Variants in SVIL observed in about 807,000 individuals in gnomAD.
SVIL encodes the protein archvillin.
In SVIL, 101 loss-of-function variants were observed where a neutral mutation model predicts 240.4. That is an observed-to-expected ratio of 0.42 (90% CI 0.36 to 0.50). The LOEUF is 0.50. SVIL is among the 20% of genes least tolerant of loss of function. The pLI, the probability that SVIL is intolerant of heterozygous loss-of-function variation, is 0.01. For missense variants in SVIL, 2,512 were observed against 2,818.7 expected (o/e 0.89, Z 2.46); for synonymous variants, 999 against 1,100.0 (o/e 0.91, Z 1.82).
At chr10:29,689,590 C>CT (rs1303582704) in intron 1 of SVIL, among the ~76,000 whole-genome samples, 1 of 152,224 alleles carries the variant, frequency 6.6e-6, no homozygotes, top group Non-Finnish European at 1.5e-5. Flanking sequence ...AGCCGAGTCT[C>CT]TTTTTCATAC....
At chr10:29,536,120 T>C (rs1589153049) in intron 6 of SVIL, 51 bp from the exon 7 acceptor site, 1 of 1,537,546 alleles carries the variant, frequency 6.5e-7, no homozygotes, top group Non-Finnish European at 9.0e-7. Flanking sequence ...AACGTCAACA[T>C]ATACACAGAC....
intron 2 of SVIL, among the ~76,000 whole-genome samples, chr10:29,680,435 A>G (rs1381375795): frequency 6.6e-6 from 1 of 152,174 alleles, no homozygotes; most frequent in Non-Finnish European, 1.5e-5. Context: ...ATTTTCAGAA[A>G]GTTGATAGGA....
At chr10:29,688,041 C>T (rs1227920333) in intron 1 of SVIL, among the ~76,000 whole-genome samples, 1 of 152,126 alleles carries the variant, frequency 6.6e-6, no homozygotes, top group East Asian at 1.9e-4. Flanking sequence ...ATGACACTTT[C>T]CCCGGTAGAA....
chr10:29,733,777 C>A (rs1287549786), intron 1 of SVIL, among the ~76,000 whole-genome samples: 1 of 152,194 alleles, frequency 6.6e-6, no homozygotes, highest in Non-Finnish European at 1.5e-5. Context: ...GTTCCAAGTC[C>A]CTGACTGTCA....
chr10:29,460,196 C>G (rs1461355685), intron 36 of SVIL, among the ~76,000 whole-genome samples: 1 of 152,154 alleles, frequency 6.6e-6, no homozygotes, highest in African/African-American at 2.4e-5. Context: ...GTTTTTGTGT[C>G]TCTGCTCCCA....
At chr10:29,724,262 T>G (rs769977192) in intron 1 of SVIL, among the ~76,000 whole-genome samples, 2 of 150,762 alleles carry the variant, frequency 1.3e-5, no homozygotes, top group Non-Finnish European at 2.9e-5. Flanking sequence ...TTTCACTGCC[T>G]GCTATAACTA....
chr10:29,588,323 G>GCAAA (rs111229904), intron 1 of SVIL, among the ~76,000 whole-genome samples: 10,929 of 147,906 alleles, frequency 0.074, 769 homozygotes, highest in African/African-American at 0.2. Flanking sequence ...TGTGCTGGTG[G>GCAAA]CAGAGACGCA....
chr10:29,666,836 A>G (rs1959337415), intron 2 of SVIL, among the ~76,000 whole-genome samples: 1 of 152,252 alleles, frequency 6.6e-6, no homozygotes, highest in Non-Finnish European at 1.5e-5. Context: ...CACACTGGGC[A>G]TAATATGGTT....
intron 30 of SVIL, chr10:29,473,517 C>G (rs1945825983): frequency 2.9e-6 from 1 of 350,340 alleles, no homozygotes; most frequent in Admixed American, 4.9e-5. Context: ...ATGATGGCAT[C>G]TCTTTGTTTT....
At chr10:29,670,656 A>ACTAT (rs1554890980) in intron 2 of SVIL, among the ~76,000 whole-genome samples, 25 of 151,834 alleles carry the variant, frequency 1.6e-4, no homozygotes, top group African/African-American at 6.1e-4. Flanking sequence ...GGTTCAGGAA[A>ACTAT]CTCTGAGTTT....
At chr10:29,729,912 G>A (rs1258345591) in intron 1 of SVIL, among the ~76,000 whole-genome samples, 1 of 151,342 alleles carries the variant, frequency 6.6e-6, no homozygotes, top group African/African-American at 2.4e-5. Flanking sequence ...ATGATGGCTG[G>A]GCACTGTTTC....
intron 17 of SVIL, among the ~76,000 whole-genome samples, chr10:29,511,555 A>C (rs2505914): frequency 2.0e-5 from 3 of 152,222 alleles, no homozygotes; most frequent in East Asian, 3.9e-4. Context: ...AGGGATACAT[A>C]ATTTGACAGA....
At chr10:29,473,176 G>T (rs1213355471) in intron 30 of SVIL, among the ~76,000 whole-genome samples, 1 of 152,002 alleles carries the variant, frequency 6.6e-6, no homozygotes, top group East Asian at 1.9e-4. Flanking sequence ...CATCACGAAG[G>T]TGCTGGAGCC....
At chr10:29,653,085 C>T (rs776683816) in intron 3 of SVIL, among the ~76,000 whole-genome samples, 1 of 151,852 alleles carries the variant, frequency 6.6e-6, no homozygotes, top group African/African-American at 2.4e-5. Flanking sequence ...CTGCTTTGGC[C>T]TCCCAAAGTG....
chr10:29,535,197 G>A (rs1951655618), intron 7 of SVIL, among the ~76,000 whole-genome samples: 1 of 152,128 alleles, frequency 6.6e-6, no homozygotes. Context: ...CATAGAGGTG[G>A]TAACTATGAA....
intron 31 of SVIL, 85 bp from the exon 32 acceptor site, chr10:29,470,568 T>C: frequency 6.6e-7 from 1 of 1,504,944 alleles, no homozygotes; most frequent in Non-Finnish European, 9.0e-7. Flanking sequence ...CGCTGTGTCG[T>C]CCAAGGCAGC....
At chr10:29,497,012 G>A (rs1422412782) in intron 18 of SVIL, among the ~76,000 whole-genome samples, 2 of 152,208 alleles carry the variant, frequency 1.3e-5, no homozygotes, top group African/African-American at 4.8e-5. Flanking sequence ...GTTTAAACAT[G>A]AGTATCCAGT....
intron 1 of SVIL, among the ~76,000 whole-genome samples, chr10:29,621,438 T>G (rs893006422): frequency 6.6e-6 from 1 of 152,096 alleles, no homozygotes; most frequent in Non-Finnish European, 1.5e-5. Flanking sequence ...ACAGCAGGGG[T>G]CCCACCATGC....
chr10:29,594,950 T>C (rs190701080), intron 1 of SVIL, among the ~76,000 whole-genome samples: 136 of 152,360 alleles, frequency 8.9e-4, no homozygotes, highest in Non-Finnish European at 1.2e-4. Context: ...CTGTGTTTCA[T>C]ACACTGAGAA....
Sources: gnomAD v4.1 joint callset for allele counts (sites outside exome capture counted in the v4.1 genomes callset) on GRCh38, gnomAD v4.1.1 for gene constraint, MANE v1.5 for transcripts, NCBI Gene and HGNC (gene_info 2026-07-23, HGNC 2026-07-21) for gene names.